LRRFIP1: variants seen among roughly 807,000 people sequenced by gnomAD.
The protein encoded by LRRFIP1 is leucine-rich repeat flightless-interacting protein 1.
A neutral mutation model predicts 104.4 loss-of-function variants in LRRFIP1; 62 were observed. The observed-to-expected ratio is 0.59, with a 90% CI of 0.48 to 0.73. The LOEUF is 0.73. Among genes scored for constraint, LRRFIP1 ranks in the 30% least tolerant of loss-of-function variants. The probability of loss-of-function intolerance (pLI) is 0.00; values close to 1 mark genes in which losing one functional copy is unlikely to be tolerated. For missense variants in LRRFIP1, 796 were observed against 824.5 expected (o/e 0.97, Z 0.42); for synonymous variants, 300 against 299.0 (o/e 1.00, Z -0.03).
chr2:237,698,741 G>C (rs941346769), intron 1 of LRRFIP1, among the ~76,000 whole-genome samples: 6 of 152,136 alleles, frequency 3.9e-5, no homozygotes, highest in Non-Finnish European at 8.8e-5. Context: ...ATGATGGCCT[G>C]AGCACCAGGC....
intron 19 of LRRFIP1, among the ~76,000 whole-genome samples, chr2:237,767,318 C>T (rs1479482493): frequency 6.6e-6 from 1 of 152,146 alleles, no homozygotes; most frequent in Non-Finnish European, 1.5e-5. Context: ...GCCTGCCAGC[C>T]ATATCCCCAG....
In LRRFIP1 at chr2:237,711,023, G is replaced by A. The variant is rs574014365; in HGVS notation, c.183+2393G>A. Among the ~76,000 whole-genome samples, 23 of 152,332 alleles carry A rather than the reference G, an allele frequency of 1.5e-4. No homozygotes were observed. In the South Asian group the frequency reaches 4.8e-3, roughly 32 times the overall value. On this transcript the variant is annotated intron_variant, in intron 2 of 23. Coordinates refer to ENST00000308482, the MANE Select transcript of LRRFIP1 (RefSeq NM_001137550.2). This position sits in a 1 kb window ranked among gnomAD's most constrained non-coding sequence, Gnocchi z 4.4. Reference sequence around the variant, plus strand: ...CAATGATCGGGCCATGATTGTCCCTGTGTGTAGCCACTGCACTCCAGCTGG... The same window carrying A: ...CAATGATCGGGCCATGATTGTCCCTATGTGTAGCCACTGCACTCCAGCTGG...
intron 1 of LRRFIP1, among the ~76,000 whole-genome samples, chr2:237,680,336 T>A (rs2091667809): frequency 6.6e-6 from 1 of 152,058 alleles, no homozygotes; most frequent in South Asian, 2.1e-4. Context: ...AATAAATAAA[T>A]AAGAAAATAT....
chr2:237,763,330 C>T (rs2060053460), intron 19 of LRRFIP1: 3 of 1,613,994 alleles, frequency 1.9e-6, no homozygotes, highest in African/African-American at 1.3e-5. Context: ...GTACAGTAGA[C>T]ACTCAAAATG....
At chr2:237,762,980 G>A (rs751075548) in intron 19 of LRRFIP1, 2 of 1,614,240 alleles carry the variant, frequency 1.2e-6, no homozygotes, top group Admixed American at 1.7e-5. Flanking sequence ...CACAGAGAAT[G>A]TGGGAGAGGC....
intron 1 of LRRFIP1, chr2:237,692,502 G>A (rs1279338124): frequency 1.3e-6 from 2 of 1,532,690 alleles, no homozygotes; most frequent in South Asian, 1.2e-5. Flanking sequence ...GACTGTTTGA[G>A]CCCGGAAGCG....
At chr2:237,684,579 A>T (rs893882143) in intron 1 of LRRFIP1, 2 of 152,230 alleles carry the variant, frequency 1.3e-5, no homozygotes, top group Admixed American at 1.3e-4. Context: ...GTTGTTGAGG[A>T]TGAAGCTTAT....
At chr2:237,680,393 G>A (rs936027882) in intron 1 of LRRFIP1, among the ~76,000 whole-genome samples, 16 of 152,268 alleles carry the variant, frequency 1.1e-4, no homozygotes, top group East Asian at 7.7e-4. Flanking sequence ...ATGTACAGAC[G>A]TTTTTCTTGT....
At chr2:237,643,124 C>T (rs1488229041) in intron 1 of LRRFIP1, among the ~76,000 whole-genome samples, 1 of 152,238 alleles carries the variant, frequency 6.6e-6, no homozygotes, top group Non-Finnish European at 1.5e-5. Flanking sequence ...TTCTTAAACA[C>T]TCAGATGTTT....
intron 4 of LRRFIP1, among the ~76,000 whole-genome samples, 177 bp from the exon 5 acceptor site, chr2:237,719,346 A>T (rs2094456777): frequency 6.6e-6 from 1 of 152,248 alleles, no homozygotes; most frequent in Admixed American, 6.5e-5. Flanking sequence ...CCCAGAAAAA[A>T]ACATTTTTAC....
intron 1 of LRRFIP1, among the ~76,000 whole-genome samples, chr2:237,655,830 T>C (rs2086727415): frequency 6.6e-6 from 1 of 152,342 alleles, no homozygotes; most frequent in African/African-American, 2.4e-5. Flanking sequence ...ATGGAGATAA[T>C]TAAAGACAAA....
intron 1 of LRRFIP1, among the ~76,000 whole-genome samples, chr2:237,698,020 G>A (rs1256681394): frequency 6.6e-6 from 1 of 152,224 alleles, no homozygotes; most frequent in Non-Finnish European, 1.5e-5. Flanking sequence ...TAGCTGCTAA[G>A]CCCAAGATTG....
chr2:237,756,695 T>C lies in LRRFIP1; in HGVS notation c.1131+508T>C, dbSNP rs932407317. Among the ~76,000 whole-genome samples the C allele has an allele frequency of 3.9e-5, 6 of 152,360 alleles. No individual in the cohort carries two copies. In the East Asian group the frequency reaches 5.8e-4, roughly 15 times the overall value. On this transcript the variant is annotated intron_variant, in intron 16 of 23. Coordinates refer to ENST00000308482, the MANE Select transcript of LRRFIP1 (RefSeq NM_001137550.2). ...TAGATTTACGAAACAGTCCCTCTCA[T>C]TGGTGAACATTCCTATTCTTTGGTG...
At chr2:237,732,195 C>T (rs752101016) in intron 8 of LRRFIP1, among the ~76,000 whole-genome samples, 9 of 152,200 alleles carry the variant, frequency 5.9e-5, no homozygotes, top group Non-Finnish European at 1.3e-4. Context: ...CTCTCCCTCC[C>T]CCGTGAGTGC....
Position 237,711,259 on chromosome 2 carries a change from C to T in LRRFIP1, c.183+2629C>T, listed in dbSNP as rs1559629021. ...TCTCACGTAAAACGCCATGGTTTGC[C>T]TTCTTCAGCATGAGTACAGATGTCA... is the stretch of plus-strand genomic sequence containing the variant. On this transcript the variant is annotated intron_variant, in intron 2 of 23. Transcript: ENST00000308482. This position sits in a 1 kb window ranked among gnomAD's most constrained non-coding sequence, Gnocchi z 4.4. Among the ~76,000 whole-genome samples, 1 of 152,198 alleles carries T rather than the reference C, an allele frequency of 6.6e-6. No homozygotes were observed. Among genetic ancestry groups the T allele is most frequent in the Non-Finnish European group, 1.5e-5 (1 of 68,038 alleles).
intron 15 of LRRFIP1, among the ~76,000 whole-genome samples, chr2:237,753,713 G>A (rs773893752): frequency 5.3e-5 from 8 of 150,542 alleles, no homozygotes; most frequent in Non-Finnish European, 1.2e-4. Context: ...GATCACTTGA[G>A]CCTGGAAGGT....
rs542192403 is a variant in LRRFIP1 at position 237,699,484 on chromosome 2, C to G, written c.97-9060C>G. On this transcript the variant is annotated intron_variant, in intron 1 of 23. Coordinates refer to ENST00000308482, the MANE Select transcript of LRRFIP1 (RefSeq NM_001137550.2). ...TCTCCTGCCTCAGCCTCCTGAGTAG[C>G]TGGGATTATAGGCATGCGCCACCAT... Among the ~76,000 whole-genome samples, 20 of 152,050 alleles carry G rather than the reference C, an allele frequency of 1.3e-4. 1 individual carries two copies. In the South Asian group the frequency reaches 3.3e-3, roughly 25 times the overall value.
intron 1 of LRRFIP1, among the ~76,000 whole-genome samples, chr2:237,640,645 G>A (rs1425311400): frequency 6.6e-6 from 1 of 152,110 alleles, no homozygotes; most frequent in Non-Finnish European, 1.5e-5. Context: ...CATATCTCCC[G>A]TAAAAGCACA....
At chr2:237,731,308 G>A (rs559664008) in intron 8 of LRRFIP1, among the ~76,000 whole-genome samples, 3 of 152,096 alleles carry the variant, frequency 2.0e-5, no homozygotes, top group African/African-American at 4.8e-5. Context: ...GGGTTGGGGG[G>A]TATCTTTTTC....
Sources: gnomAD v4.1 joint callset for allele counts (sites outside exome capture counted in the v4.1 genomes callset) on GRCh38, gnomAD v4.1.1 for gene constraint, Gnocchi (gnomAD v3.1) non-coding constraint, MANE v1.5 for transcripts, NCBI Gene and HGNC (gene_info 2026-07-23, HGNC 2026-07-21) for gene names.